The following RBBP8 variants were observed in gnomAD, a reference collection of about 807,000 sequenced individuals.
RBBP8 encodes the protein RB binding protein 8, endonuclease.
In RBBP8, 88 loss-of-function variants were observed where a neutral mutation model predicts 108.3. The observed-to-expected ratio is 0.81, with a 90% CI of 0.68 to 0.97. The LOEUF (loss-of-function observed/expected upper bound fraction) is 0.97. RBBP8 is among the 50% of genes least tolerant of loss of function. The pLI is 0.00. For synonymous variants in RBBP8, 332 were observed against 348.2 expected, an observed-to-expected ratio of 0.95 and a Z score of 0.52; for missense variants, 1,023 against 1,049.0, an observed-to-expected ratio of 0.98 and a Z score of 0.34.
rs201164624 is a variant in RBBP8 at position 22,992,811 on chromosome 18, T to G, written c.984T>G (p.Pro328=). ...AATTACCTACTCGAGTGTCATCTCC[T>G]GTATTTGGAGCTACCTCTAGTATCA... The part of the protein sequence containing the change: ...QEELPTRVSS[P]VFGATSSIKS... The change falls in exon 11 of 19, where the codon CCT becomes CCG. Residue 328 remains proline, a synonymous_variant. Coordinates refer to ENST00000327155, the MANE Select transcript of RBBP8 (RefSeq NM_002894.3). 2.2e-5 allele frequency: 35 copies of G among 1,607,998 alleles called. No homozygotes were observed. Among genetic ancestry groups the G allele is most frequent in the Non-Finnish European group, 2.9e-5 (34 of 1,174,724 alleles).
intron 16 of RBBP8, among the ~76,000 whole-genome samples, chr18:23,006,808 G>A (rs1598736886): frequency 6.6e-6 from 1 of 151,210 alleles, no homozygotes; most frequent in African/African-American, 2.4e-5. Context: ...GGCCAGTCGA[G>A]CTGTCTTTGT....
chr18:22,981,354 C>G (rs1914918323), intron 6 of RBBP8, among the ~76,000 whole-genome samples: 1 of 152,068 alleles, frequency 6.6e-6, no homozygotes, highest in African/African-American at 2.4e-5. Context: ...AACAGAAACT[C>G]AAATTTTGAA....
intron 3 of RBBP8, among the ~76,000 whole-genome samples, chr18:22,947,243 T>G (rs1911640323): frequency 6.6e-6 from 1 of 152,080 alleles, no homozygotes; most frequent in East Asian, 1.9e-4. Flanking sequence ...ATTTTCCAGT[T>G]GTGCAGCACT....
intron 3 of RBBP8, among the ~76,000 whole-genome samples, chr18:22,920,603 G>A (rs1480945586): frequency 6.6e-6 from 1 of 152,064 alleles, no homozygotes; most frequent in Non-Finnish European, 1.5e-5. Context: ...CTTCCAACAT[G>A]AAAATATTTT....
intron 17 of RBBP8, 107 bp downstream of exon 17, chr18:23,017,031 T>C (rs899618360): frequency 5.6e-5 from 50 of 892,594 alleles, no homozygotes; most frequent in Non-Finnish European, 2.1e-5. Context: ...TAGAAACCTC[T>C]TATTTGAGCC....
intron 2 of RBBP8, among the ~76,000 whole-genome samples, chr18:22,944,618 T>A (rs1215694542): frequency 2.0e-5 from 3 of 152,258 alleles, no homozygotes; most frequent in African/African-American, 4.8e-5. Flanking sequence ...TACAGGTTTA[T>A]CTGTAACATT....
chr18:22,937,171 T>C, intron 2 of RBBP8: 1 of 1,033,260 alleles, frequency 9.7e-7, no homozygotes, highest in Non-Finnish European at 1.3e-6. Flanking sequence ...TGGTACCCCA[T>C]AGGTAGTTTT....
At position 23,026,432 on chromosome 18, in the gene RBBP8, A is replaced by G; in HGVS notation, c.*192A>G. 1 of 553,580 alleles carries G rather than the reference A, an allele frequency of 1.8e-6. No individual in the cohort carries two copies. Among genetic ancestry groups the G allele is most frequent in the South Asian group, 2.0e-5 (1 of 49,558 alleles). The allele number at this position is 553,580 out of a possible 1,614,324, so 34.3% of individuals were successfully genotyped here. ...ATAAGGCGCTTTCATTTTGCACTCTAACTTAAGAGTTTTTACTTTATGTAG... is the reference window on the plus strand; with the variant it reads ...ATAAGGCGCTTTCATTTTGCACTCTGACTTAAGAGTTTTTACTTTATGTAG... On this transcript the variant is annotated 3_prime_UTR_variant, in exon 19 of 19. Coordinates refer to ENST00000327155, the MANE Select transcript of RBBP8 (RefSeq NM_002894.3).
chr18:23,000,038 G>A (rs974453413), intron 14 of RBBP8, among the ~76,000 whole-genome samples: 2 of 152,070 alleles, frequency 1.3e-5, no homozygotes, highest in African/African-American at 2.4e-5. Context: ...TTTGTAGTAG[G>A]AAGTATTTTA....
intron 4 of RBBP8, among the ~76,000 whole-genome samples, chr18:22,954,841 GA>G (rs1365502268): frequency 6.6e-6 from 1 of 152,084 alleles, no homozygotes; most frequent in African/African-American, 2.4e-5. Flanking sequence ...GCAAAAGGGG[GA>G]AAAGCCCCTT....
intron 4 of RBBP8, among the ~76,000 whole-genome samples, chr18:22,953,229 G>T (rs766674474): frequency 3.3e-5 from 5 of 152,180 alleles, no homozygotes; most frequent in African/African-American, 4.8e-5. Context: ...TTTATAGCAG[G>T]ATCTGACTAT....
At chr18:22,942,102 G>A (rs1247752218) in intron 2 of RBBP8, among the ~76,000 whole-genome samples, 4 of 152,072 alleles carry the variant, frequency 2.6e-5, no homozygotes, top group Admixed American at 6.5e-5. Flanking sequence ...GTAGAAACCA[G>A]TGTAAGAAGC....
At chr18:22,943,564 G>A (rs1911283721) in intron 2 of RBBP8, among the ~76,000 whole-genome samples, 1 of 151,846 alleles carries the variant, frequency 6.6e-6, no homozygotes, top group South Asian at 2.1e-4. Flanking sequence ...TCAATCTTAA[G>A]CAAAGTGAGC....
At chr18:22,984,865 C>G (rs369063722) in intron 7 of RBBP8, 21 bp from the exon 8 acceptor site, 92 of 1,378,142 alleles carry the variant, frequency 6.7e-5, no homozygotes, top group Non-Finnish European at 9.0e-5. Flanking sequence ...TGTGTAATCT[C>G]TTATTTTTTT....
upstream of RBBP8, among the ~76,000 whole-genome samples, chr18:22,930,741 G>A (rs936144561): frequency 6.6e-6 from 1 of 152,160 alleles, no homozygotes; most frequent in African/African-American, 2.4e-5. Context: ...AGTTCCTGGA[G>A]ATAAAAGGGT....
rs2045838500 is a variant in RBBP8 at position 22,995,430 on chromosome 18, A to T, written c.1940-944A>T. 2.6e-5 allele frequency among the ~76,000 whole-genome samples: 4 copies of T among 152,302 alleles called. No homozygotes were observed. The South Asian group carries it at 8.3e-4, about 32-fold the overall frequency. ...ATGTTATAGTTTTTAATTTTAAAAAATTTTAATTGAAATATAAATCACATA... is the reference window on the plus strand; with the variant it reads ...ATGTTATAGTTTTTAATTTTAAAAATTTTTAATTGAAATATAAATCACATA... On this transcript the variant is annotated intron_variant, in intron 12 of 18. Transcript: ENST00000327155.
intron 16 of RBBP8, among the ~76,000 whole-genome samples, chr18:23,009,471 G>GT (rs1419824556): frequency 2.0e-5 from 3 of 149,786 alleles, no homozygotes; most frequent in African/African-American, 4.9e-5. Context: ...TAGGAATTGG[G>GT]TTTTTTTCTT....
At chr18:22,942,728 TA>T (rs932107627) in intron 2 of RBBP8, among the ~76,000 whole-genome samples, 19 of 152,092 alleles carry the variant, frequency 1.2e-4, no homozygotes, top group African/African-American at 4.6e-4. Context: ...TCAAAAGTTT[TA>T]AAGCATATTT....
At chr18:22,998,939 C>G (rs2045903157) in intron 14 of RBBP8, among the ~76,000 whole-genome samples, 1 of 152,162 alleles carries the variant, frequency 6.6e-6, no homozygotes, top group Non-Finnish European at 1.5e-5. Flanking sequence ...CTAAATAACT[C>G]TTCTTAAGAG....
Sources: gnomAD v4.1 joint callset for allele counts (sites outside exome capture counted in the v4.1 genomes callset) on GRCh38, gnomAD v4.1.1 for gene constraint, MANE v1.5 for transcripts, NCBI Gene and HGNC (gene_info 2026-07-23, HGNC 2026-07-21) for gene names.